The following ALDH5A1 variants were observed in gnomAD, a reference collection of about 807,000 sequenced individuals.
ALDH5A1 encodes succinate-semialdehyde dehydrogenase, mitochondrial.
ALDH5A1 carries 33 observed loss-of-function variants against 54.7 expected under a neutral mutation model. That is an observed-to-expected ratio of 0.60 (90% CI 0.46 to 0.81). ALDH5A1 has a LOEUF of 0.81. Ranked by LOEUF, ALDH5A1 falls within the 30% of genes least tolerant of loss-of-function variation. The pLI is 0.00. For synonymous variants in ALDH5A1, 294 were observed against 292.7 expected, an observed-to-expected ratio of 1.00 and a Z score of -0.05; for missense variants, 657 against 711.0, an observed-to-expected ratio of 0.92 and a Z score of 0.86.
chr6:24,513,077 T>A (rs1253288784), intron 4 of ALDH5A1, among the ~76,000 whole-genome samples: 1 of 40,014 alleles, frequency 2.5e-5, no homozygotes, highest in Non-Finnish European at 9.2e-5. Flanking sequence ...ATTTTTTCTA[T>A]TTTTTTCTTT....
intron 4 of ALDH5A1, among the ~76,000 whole-genome samples, chr6:24,507,816 A>G (rs2127383797): frequency 6.6e-6 from 1 of 152,148 alleles, no homozygotes; most frequent in African/African-American, 2.4e-5. Context: ...TTATTGGGGA[A>G]CAGGTGGTAT....
At chr6:24,526,980 A>ATCTAC (rs1561878716) in intron 7 of ALDH5A1, among the ~76,000 whole-genome samples, 28 of 24,146 alleles carry the variant, frequency 1.2e-3, no homozygotes, top group African/African-American at 2.0e-3. Context: ...GTGTGTATAT[A>ATCTAC]TATATATATA....
At chr6:24,499,812 C>A (rs1342147458) in intron 1 of ALDH5A1, among the ~76,000 whole-genome samples, 1 of 152,144 alleles carries the variant, frequency 6.6e-6, no homozygotes, top group African/African-American at 2.4e-5. Flanking sequence ...GCGCCTGCCA[C>A]CATGCCCGGG....
In ALDH5A1 at chr6:24,519,551, C is replaced by T. The variant is rs148976954; in HGVS notation, c.871-850C>T. On this transcript the variant is annotated intron_variant, in intron 5 of 9. Coordinates refer to ENST00000357578, the MANE Select transcript of ALDH5A1 (RefSeq NM_001080.3). ...CTGCACTACAGCCTGGGCAACAGAG[C>T]GAGACTCCATCTCAATAATAATAAT... Among the ~76,000 whole-genome samples the T allele has an allele frequency of 6.9e-3, 1,045 of 151,902 alleles. 11 individuals carry two copies. The highest frequency in any genetic ancestry group is 0.023 in the African/African-American group (962 of 41,418).
At position 24,509,510 on chromosome 6, in the gene ALDH5A1, G is replaced by T. The variant is rs373019627; in HGVS notation, c.726+4525G>T. On this transcript the variant is annotated intron_variant, in intron 4 of 9. Coordinates refer to ENST00000357578, the MANE Select transcript of ALDH5A1 (RefSeq NM_001080.3). This position sits in a 1 kb window ranked among gnomAD's most constrained non-coding sequence, Gnocchi z 4.7. ...TGGTAATTATTTTACTACCATTTCA[G>T]TCTGTTCGGGATATCTCGTTCTTCC... 6.1e-4 allele frequency among the ~76,000 whole-genome samples: 93 copies of T among 152,204 alleles called. 1 individual carries two copies. The highest frequency in any genetic ancestry group is 2.1e-3 in the African/African-American group (89 of 41,544).
chr6:24,525,421 G>A (rs937763094), intron 7 of ALDH5A1, among the ~76,000 whole-genome samples: 24 of 152,070 alleles, frequency 1.6e-4, no homozygotes, highest in African/African-American at 5.3e-4. Context: ...GCTGAGGGCC[G>A]GGCACAGTGG....
At chr6:24,495,525 A>G (rs1344507522) in intron 1 of ALDH5A1, among the ~76,000 whole-genome samples, 175 bp downstream of exon 1, 1 of 152,164 alleles carries the variant, frequency 6.6e-6, no homozygotes, top group Admixed American at 6.5e-5. Flanking sequence ...ATAAGTTTGG[A>G]GCTTCCACTT....
chr6:24,496,065 A>C (rs1458268304), intron 1 of ALDH5A1, among the ~76,000 whole-genome samples: 4 of 152,200 alleles, frequency 2.6e-5, no homozygotes, highest in African/African-American at 4.8e-5. Context: ...ACCTGGAGTC[A>C]ACGCAGTGAA....
At chr6:24,522,595 C>G (rs749141125) in intron 6 of ALDH5A1, 172 bp from the exon 7 acceptor site, 1 of 674,168 alleles carries the variant, frequency 1.5e-6, no homozygotes, top group African/African-American at 1.8e-5. Context: ...TGCACTGACT[C>G]AGTGCTTTTA....
At chr6:24,495,465 C>A in intron 1 of ALDH5A1, 115 bp downstream of exon 1, 1 of 1,017,186 alleles carries the variant, frequency 9.8e-7, no homozygotes, top group Non-Finnish European at 1.4e-6. Flanking sequence ...GCTCAGTTCC[C>A]CAGGGTATAC....
In ALDH5A1 at chr6:24,504,937, G is replaced by A. The variant is rs113591366; in HGVS notation, c.678G>A (p.Val226=). 121 of 1,614,118 alleles carry A rather than the reference G, an allele frequency of 7.5e-5. No homozygotes were observed. The highest frequency in any genetic ancestry group is 1.0e-4 in the Non-Finnish European group (120 of 1,180,056). Residue 226 remains valine (V), a synonymous_variant, in exon 4 of 10, where the codon GTG becomes GTA. Transcript: ENST00000357578. The stretch of plus-strand genomic sequence containing the variant: ...CCCTGGCAGCCGGCTGTACTGTCGT[G>A]GTGAAGCCTGCCGAAGACACGCCCT... The part of the protein sequence containing the change: ...GAALAAGCTV[V]VKPAEDTPFS...
intron 4 of ALDH5A1, among the ~76,000 whole-genome samples, chr6:24,505,509 T>G (rs1373244877): frequency 6.6e-6 from 1 of 152,036 alleles, no homozygotes. Flanking sequence ...TGGACCACTC[T>G]GGCCCCTGCC....
At chr6:24,504,702 C>G (rs773831266) in intron 3 of ALDH5A1, among the ~76,000 whole-genome samples, 167 bp from the exon 4 acceptor site, 1 of 151,922 alleles carries the variant, frequency 6.6e-6, no homozygotes, top group African/African-American at 2.4e-5. Context: ...CAGAGTCCCT[C>G]AAGTTGGCGG....
At chr6:24,505,370 G>T (rs947250295) in intron 4 of ALDH5A1, among the ~76,000 whole-genome samples, 1 of 152,112 alleles carries the variant, frequency 6.6e-6, no homozygotes, top group Admixed American at 6.5e-5. Flanking sequence ...GTGGCCTCTT[G>T]TGTCACTCAC....
At position 24,495,059 on chromosome 6, in the gene ALDH5A1, C is replaced by A; in HGVS notation, c.63C>A (p.Gly21=). The A allele has an allele frequency of 7.4e-7, 1 of 1,346,000 alleles. No individual in the cohort carries two copies. The highest frequency in any genetic ancestry group is 9.5e-7 in the Non-Finnish European group (1 of 1,050,770). 83.4% of individuals were successfully genotyped at this position (1,346,000 alleles called of 1,614,324 possible). ...GGCGCCTCGGGTCGACGTTTCCAGG[C>A]TGCCGCCTCCGCCCCCGCGCCGGCG... The part of the protein sequence containing the change: ...GARRLGSTFP[G]CRLRPRAGGL... Residue 21 remains glycine (G), a synonymous_variant, in exon 1 of 10, where the codon GGC becomes GGA. Transcript: ENST00000357578.
chr6:24,528,702 C>T (rs1759869171), intron 8 of ALDH5A1, among the ~76,000 whole-genome samples: 3 of 143,164 alleles, frequency 2.1e-5, no homozygotes, highest in East Asian at 2.0e-4. Flanking sequence ...CTGCTGAACT[C>T]TTTTTTTTTT....
At chr6:24,501,940 T>C (rs1407226875) in intron 1 of ALDH5A1, among the ~76,000 whole-genome samples, 1 of 127,136 alleles carries the variant, frequency 7.9e-6, no homozygotes, top group East Asian at 2.3e-4. Flanking sequence ...TGTGTGTGTG[T>C]ATATATATAT....
In ALDH5A1 at chr6:24,527,870, A is replaced by G. The variant is rs1011959792; in HGVS notation, c.1174-127A>G. The G allele has an allele frequency of 3.9e-6, 4 of 1,028,592 alleles. No homozygotes were observed. The Admixed American group carries it at 8.5e-5, about 22-fold the overall frequency. The allele number at this position is 1,028,592 out of a possible 1,614,324, so 63.7% of individuals were successfully genotyped here. Reference sequence around the variant, plus strand: ...GTTCCTTCTACAAAAGGAAACCAGCATGCTTTATTGTTAACCTACTTTTTT... The same window carrying G: ...GTTCCTTCTACAAAAGGAAACCAGCGTGCTTTATTGTTAACCTACTTTTTT... On this transcript the variant is annotated intron_variant, in intron 7 of 9. Coordinates refer to ENST00000357578, the MANE Select transcript of ALDH5A1 (RefSeq NM_001080.3).
chr6:24,510,319 T>A (rs1220495758), intron 4 of ALDH5A1, among the ~76,000 whole-genome samples: 2 of 152,196 alleles, frequency 1.3e-5, no homozygotes, highest in Admixed American at 1.3e-4. Context: ...GCTAAGTCCA[T>A]TTGTTCCAGG....
Sources: gnomAD v4.1 joint callset for allele counts (sites outside exome capture counted in the v4.1 genomes callset) on GRCh38, gnomAD v4.1.1 for gene constraint, Gnocchi (gnomAD v3.1) non-coding constraint, MANE v1.5 for transcripts, NCBI Gene and HGNC (gene_info 2026-07-23, HGNC 2026-07-21) for gene names.